Variants in LIPC observed in about 807,000 individuals in gnomAD.
The protein encoded by LIPC is hepatic triacylglycerol lipase.
A neutral mutation model predicts 50.7 loss-of-function variants in LIPC; 44 were observed. That is an observed-to-expected ratio of 0.87 (90% CI 0.68 to 1.11). The LOEUF (loss-of-function observed/expected upper bound fraction) is 1.11. Among genes scored for constraint, LIPC ranks in the 50% most tolerant of loss-of-function variants. The pLI is 0.00. For synonymous variants in LIPC, 271 were observed against 256.4 expected, an observed-to-expected ratio of 1.06 and a Z score of -0.54; for missense variants, 697 against 648.2, an observed-to-expected ratio of 1.08 and a Z score of -0.82.
At chr15:58,530,463 A>C (rs1292997307) in intron 1 of LIPC, among the ~76,000 whole-genome samples, 1 of 152,254 alleles carries the variant, frequency 6.6e-6, no homozygotes, top group East Asian at 1.9e-4. Context: ...TTATGCAAGT[A>C]ACTACCACAG....
At chr15:58,497,599 C>G (rs1042114841) in intron 1 of LIPC, 4 of 152,352 alleles carry the variant, frequency 2.6e-5, no homozygotes, top group African/African-American at 9.7e-5. Context: ...CTCTTCCAAA[C>G]CCTTCCTGTC....
At chr15:58,449,675 G>C (rs1409384932) in intron 1 of LIPC, among the ~76,000 whole-genome samples, 1 of 152,006 alleles carries the variant, frequency 6.6e-6, no homozygotes, top group African/African-American at 2.4e-5. Context: ...AAGTAGATGG[G>C]ATTACAAGCT....
intron 1 of LIPC, among the ~76,000 whole-genome samples, chr15:58,486,320 T>C (rs990419282): frequency 6.6e-6 from 1 of 152,156 alleles, no homozygotes. Flanking sequence ...CTAACGGATG[T>C]TCTGGTTTGT....
At chr15:58,503,912 C>A (rs1049545849) in intron 1 of LIPC, among the ~76,000 whole-genome samples, 1 of 152,102 alleles carries the variant, frequency 6.6e-6, no homozygotes, top group Non-Finnish European at 1.5e-5. Context: ...CACACCCACA[C>A]CCCCACCCAA....
chr15:58,495,913 A>G (rs1353569102), intron 1 of LIPC, among the ~76,000 whole-genome samples: 3 of 152,238 alleles, frequency 2.0e-5, no homozygotes, highest in South Asian at 2.1e-4. Flanking sequence ...ATGCTCTGAT[A>G]TATTATAGCA....
intron 1 of LIPC, among the ~76,000 whole-genome samples, chr15:58,506,327 C>A (rs1892147150): frequency 6.6e-6 from 1 of 152,130 alleles, no homozygotes; most frequent in Admixed American, 6.5e-5. Context: ...AGAAGCCAGC[C>A]ACACCCAGTC....
At chr15:58,554,642 C>A (rs1398452624) in intron 6 of LIPC, among the ~76,000 whole-genome samples, 2 of 151,528 alleles carry the variant, frequency 1.3e-5, no homozygotes, top group African/African-American at 4.9e-5. Flanking sequence ...CACCTGTAAT[C>A]CTAACACTTT....
intron 1 of LIPC, among the ~76,000 whole-genome samples, chr15:58,480,967 AG>A (rs1891166481): frequency 6.6e-6 from 1 of 152,138 alleles, no homozygotes; most frequent in Non-Finnish European, 1.5e-5. Context: ...AACAGCCCCT[AG>A]TCAAGAGCAT....
At chr15:58,562,552 TG>T (rs1376304864) in intron 7 of LIPC, among the ~76,000 whole-genome samples, 1 of 152,156 alleles carries the variant, frequency 6.6e-6, no homozygotes, top group Non-Finnish European at 1.5e-5. Context: ...GGACTCTCCC[TG>T]GAAAGTGACA....
intron 1 of LIPC, among the ~76,000 whole-genome samples, chr15:58,524,582 C>T (rs73424690): frequency 0.017 from 2,588 of 152,330 alleles, 85 homozygotes; most frequent in African/African-American, 0.06. Flanking sequence ...TGTGGTCACA[C>T]TTTTTAATGT....
chr15:58,455,232 C>G (rs1205986480), intron 1 of LIPC, among the ~76,000 whole-genome samples: 5 of 152,220 alleles, frequency 3.3e-5, no homozygotes, highest in Admixed American at 2.6e-4. Context: ...AAGGGCCAGA[C>G]AGTAAATATT....
intron 1 of LIPC, among the ~76,000 whole-genome samples, chr15:58,451,139 C>A (rs1317246495): frequency 6.6e-6 from 1 of 152,106 alleles, no homozygotes; most frequent in Non-Finnish European, 1.5e-5. Flanking sequence ...GCATGTATCC[C>A]CAGAGCAATC....
chr15:58,470,301 G>A (rs1234446412), intron 1 of LIPC, among the ~76,000 whole-genome samples: 1 of 152,076 alleles, frequency 6.6e-6, no homozygotes, highest in African/African-American at 2.4e-5. Flanking sequence ...TGTTTCCTAT[G>A]TACAAAACCA....
At chr15:58,497,556 C>T (rs117145864) in intron 1 of LIPC, among the ~76,000 whole-genome samples, 1,830 of 152,010 alleles carry the variant, frequency 0.012, 16 homozygotes, top group Non-Finnish European at 0.017. Context: ...ATCCTCTCAT[C>T]TTCCTCCCTC....
At chr15:58,555,730 C>T (rs1165079643) in intron 6 of LIPC, among the ~76,000 whole-genome samples, 1 of 152,168 alleles carries the variant, frequency 6.6e-6, no homozygotes, top group Non-Finnish European at 1.5e-5. Context: ...ACTGAGGCGA[C>T]TCCCTGCCTC....
At chr15:58,446,570 A>G (rs189880418) in intron 1 of LIPC, among the ~76,000 whole-genome samples, 1 of 152,120 alleles carries the variant, frequency 6.6e-6, no homozygotes, top group African/African-American at 2.4e-5. Flanking sequence ...GGTTGTGAGC[A>G]TCTTGGTTAC....
At chr15:58,536,079 C>T (rs575815348) in intron 1 of LIPC, among the ~76,000 whole-genome samples, 6 of 152,290 alleles carry the variant, frequency 3.9e-5, no homozygotes, top group African/African-American at 1.4e-4. Flanking sequence ...AATAAATCAC[C>T]CCGCTGCAGG....
At chr15:58,546,029 T>G in intron 5 of LIPC, 54 bp downstream of exon 5, 1 of 1,412,826 alleles carries the variant, frequency 7.1e-7, no homozygotes, top group African/African-American at 1.4e-5. Context: ...ATGGGGCCTC[T>G]GGAATTCAGC....
At chr15:58,438,874 A>G (rs1311565669) in intron 1 of LIPC, among the ~76,000 whole-genome samples, 2 of 152,182 alleles carry the variant, frequency 1.3e-5, no homozygotes, top group East Asian at 3.8e-4. Flanking sequence ...TATTTCCAGA[A>G]GCATTCCTCA....
Sources: allele counts gnomAD v4.1 joint callset (sites outside exome capture counted in the v4.1 genomes callset), GRCh38; gene constraint gnomAD v4.1.1; transcripts MANE v1.5; gene names NCBI Gene and HGNC (gene_info 2026-07-23, HGNC 2026-07-21).